ECSCR: variants seen among roughly 807,000 people sequenced by gnomAD.
The protein encoded by ECSCR is endothelial cell-specific chemotaxis regulator.
Under a neutral mutation model 16.7 loss-of-function variants are expected in ECSCR, and 12 were observed. The ratio of observed to expected loss-of-function variants is 0.72; its 90% confidence interval spans 0.46 to 1.17. ECSCR has a LOEUF of 1.17. ECSCR is among the 50% of genes most tolerant of loss of function. The pLI, the probability that ECSCR is intolerant of heterozygous loss-of-function variation, is 0.00. For synonymous variants in ECSCR, 44 were observed against 42.2 expected (o/e 1.04, Z -0.17); for missense variants, 122 against 116.1 (o/e 1.05, Z -0.23).
intron 4 of ECSCR, 52 bp from the exon 5 acceptor site, chr5:139,456,570 C>G (rs1417375513): frequency 2.5e-6 from 1 of 398,552 alleles, no homozygotes; most frequent in Non-Finnish European, 4.4e-6. Context: ...AGCAGCTCTT[C>G]TCCCTCGCTG....
rs397882364 is a variant in ECSCR at position 139,458,500 on chromosome 5, C to CAAAA, written c.62-321_62-318dup. ...GCAACAGGTGGAGACCCTATCTCAA[C>CAAAA]AAAAAAAAAAAAAAAAAAAAAAAAA... On this transcript the variant is annotated intron_variant, in intron 1 of 9. Transcript: ENST00000618155. Among the ~76,000 whole-genome samples the CAAAA allele has an allele frequency of 2.7e-3, 229 of 85,350 alleles. 2 individuals are homozygous for CAAAA. Among genetic ancestry groups the CAAAA allele is most frequent in the East Asian group, 4.3e-3 (13 of 2,998 alleles). 56.0% of individuals were successfully genotyped at this position (85,350 alleles called of 152,430 possible).
intron 8 of ECSCR, among the ~76,000 whole-genome samples, chr5:139,451,313 G>A (rs1047764793): frequency 6.6e-6 from 1 of 151,198 alleles, no homozygotes; most frequent in African/African-American, 2.4e-5. Flanking sequence ...TATGTGTGGT[G>A]TGTGTGGTGT....
chr5:139,455,551 G>A lies in ECSCR; in HGVS notation c.263-115C>T, dbSNP rs939703148. 2.8e-5 allele frequency: 11 copies of A among 388,008 alleles called. No individual in the cohort carries two copies. In the East Asian group the frequency reaches 3.3e-4, roughly 12 times the overall value. The allele number at this position is 388,008 out of a possible 1,614,324, so 24.0% of individuals were successfully genotyped here. ...GACCAGAATTTATGCTGCAGAGCTA[G>A]GAGGTCAGACTGGGCAAAATAGAGC... On this transcript the variant is annotated intron_variant, in intron 5 of 9. Coordinates refer to ENST00000618155, the MANE Select transcript of ECSCR (RefSeq NM_001077693.4).
rs1038198662 is a variant in ECSCR at position 139,454,960 on chromosome 5, C to T, written c.377-37G>A. On this transcript the variant is annotated intron_variant, in intron 6 of 9. Transcript: ENST00000618155. The stretch of plus-strand genomic sequence containing the variant: ...AAAGAATGGGGTGAAGGGGGCCAGT[C>T]GGGGGGACAAAGGGGCCAACAAGAG... The T allele has an allele frequency of 5.8e-5, 23 of 398,554 alleles. No individual in the cohort carries two copies. The South Asian group carries it at 1.8e-3, about 31-fold the overall frequency. 24.7% of individuals were successfully genotyped at this position (398,554 alleles called of 1,614,324 possible).
intron 1 of ECSCR, among the ~76,000 whole-genome samples, chr5:139,460,412 G>A (rs886394385): frequency 2.0e-5 from 3 of 152,194 alleles, no homozygotes; most frequent in Non-Finnish European, 4.4e-5. Context: ...TGGGATCACA[G>A]GCGTGAGCCA....
At chr5:139,456,893 G>A (rs937588504) in intron 4 of ECSCR, among the ~76,000 whole-genome samples, 4 of 152,150 alleles carry the variant, frequency 2.6e-5, no homozygotes, top group Admixed American at 2.6e-4. Context: ...GCTGCCCCCC[G>A]CCCTGGGCAC....
intron 8 of ECSCR, among the ~76,000 whole-genome samples, chr5:139,451,863 G>A (rs1325515899): frequency 4.0e-5 from 6 of 150,858 alleles, no homozygotes; most frequent in Admixed American, 6.6e-5. Context: ...TATGTATGTC[G>A]TGTGTGTGTA....
In ECSCR at chr5:139,455,454, C is replaced by A; in HGVS notation, c.263-18G>T. 2.5e-6 allele frequency: 1 copy of A among 398,214 alleles called. No homozygotes were observed. 24.7% of individuals were successfully genotyped at this position (398,214 alleles called of 1,614,324 possible). On this transcript the variant is annotated intron_variant, in intron 5 of 9. Transcript: ENST00000618155. ...AAATGTGTCTAAAATGGAGTGGAGT[C>A]AGGGGCATCAGCGAAGGGGACTGAC...
intron 1 of ECSCR, 39 bp downstream of exon 1, chr5:139,462,571 G>T: frequency 1.9e-6 from 3 of 1,570,168 alleles, no homozygotes; most frequent in Non-Finnish European, 2.6e-6. Flanking sequence ...GCCAGCTGCG[G>T]AGAGGAATTG....
rs1003521356 is a variant in ECSCR at position 139,454,988 on chromosome 5, C to T, written c.377-65G>A. 31 of 398,622 alleles carry T rather than the reference C, an allele frequency of 7.8e-5. No homozygotes were observed. In the East Asian group the frequency reaches 8.9e-4, roughly 11 times the overall value. The allele number at this position is 398,622 out of a possible 1,614,324, so 24.7% of individuals were successfully genotyped here. A position where few individuals can be genotyped will look rare whatever the true frequency, so the allele number is the denominator to read the frequency against. On this transcript the variant is annotated intron_variant, in intron 6 of 9. Transcript: ENST00000618155. ...GGGGACAAAGGGGCCAACAAGAGTCCGGCATTCCCTTCCCAGATAAGTACT... is the reference window on the plus strand; with the variant it reads ...GGGGACAAAGGGGCCAACAAGAGTCTGGCATTCCCTTCCCAGATAAGTACT...
At chr5:139,451,920 A>G (rs1472570787) in intron 8 of ECSCR, among the ~76,000 whole-genome samples, 8 of 134,150 alleles carry the variant, frequency 6.0e-5, no homozygotes, top group South Asian at 2.4e-4. Flanking sequence ...TGTGTGGTGT[A>G]TGGGGCATGT....
chr5:139,460,695 G>T (rs535268130), intron 1 of ECSCR, among the ~76,000 whole-genome samples: 1 of 152,106 alleles, frequency 6.6e-6, no homozygotes, highest in Non-Finnish European at 1.5e-5. Flanking sequence ...TACAGCCGAG[G>T]GTGTCTCTGA....
Position 139,448,704 on chromosome 5 carries a change from A to G in ECSCR, c.*196T>C, listed in dbSNP as rs1356995053. 1 of 1,416,264 alleles carries G rather than the reference A, an allele frequency of 7.1e-7. No homozygotes were observed. The highest frequency in any genetic ancestry group is 1.4e-5 in the African/African-American group (1 of 69,348). 87.7% of individuals were successfully genotyped at this position (1,416,264 alleles called of 1,614,324 possible). Reference sequence around the variant, plus strand: ...CAGTATTTCCACAGCAGCTGTCCATACAGGAAAGAGTCTCCCCTGTTGGTA... The same window carrying G: ...CAGTATTTCCACAGCAGCTGTCCATGCAGGAAAGAGTCTCCCCTGTTGGTA... On this transcript the variant is annotated 3_prime_UTR_variant, in exon 10 of 10. Coordinates refer to ENST00000618155, the MANE Select transcript of ECSCR (RefSeq NM_001077693.4).
At chr5:139,451,696 G>C (rs1030610698) in intron 8 of ECSCR, among the ~76,000 whole-genome samples, 23 of 131,770 alleles carry the variant, frequency 1.7e-4, no homozygotes, top group African/African-American at 6.5e-4. Context: ...TGTGATGTGG[G>C]TATGCGTGGT....
chr5:139,456,517 G>A lies in ECSCR; in HGVS notation c.219C>T (p.Gly73=), dbSNP rs1351393850. 1.3e-5 allele frequency: 5 copies of A among 398,638 alleles called. No individual in the cohort carries two copies. The highest frequency in any genetic ancestry group is 3.6e-5 in the East Asian group (1 of 28,074). 24.7% of individuals were successfully genotyped at this position (398,638 alleles called of 1,614,324 possible). Residue 73 remains glycine (G), a splice_region_variant and synonymous_variant, in exon 5 of 10, where the codon GGC becomes GGT. Transcript: ENST00000618155. ...PSHLSSTGTP[G]AGVPSSGRDG... is the part of the protein sequence containing the mutation. ...CTCTTCCACTGCTGGGGACACCTGC[G>A]CCTGCACCATGAAACAGCATGACCA...
chr5:139,457,861 C>G, intron 2 of ECSCR, 54 bp from the exon 3 acceptor site: 3 of 1,543,464 alleles, frequency 1.9e-6, no homozygotes, highest in Non-Finnish European at 1.8e-6. Flanking sequence ...TGTTCCATCT[C>G]CCTCTCTTGT....
intron 8 of ECSCR, among the ~76,000 whole-genome samples, chr5:139,450,536 G>A (rs1751017092): frequency 6.6e-6 from 1 of 150,842 alleles, no homozygotes; most frequent in Non-Finnish European, 1.5e-5. Context: ...CCAGCGCTTT[G>A]GGAGGCTGAG....
intron 5 of ECSCR, 95 bp from the exon 6 acceptor site, chr5:139,455,531 G>GAA (rs1257770968): frequency 7.7e-6 from 3 of 390,846 alleles, no homozygotes; most frequent in African/African-American, 6.2e-5. Context: ...GGAAGGACCA[G>GAA]AATTTATGCT....
chr5:139,454,382 G>A (rs1343748902), intron 8 of ECSCR, among the ~76,000 whole-genome samples: 2 of 148,260 alleles, frequency 1.3e-5, no homozygotes, highest in Non-Finnish European at 3.0e-5. Flanking sequence ...GGTGTGTGTA[G>A]TGAAGTGTAG....
Sources: allele counts gnomAD v4.1 joint callset (sites outside exome capture counted in the v4.1 genomes callset), GRCh38; gene constraint gnomAD v4.1.1; transcripts MANE v1.5; gene names NCBI Gene and HGNC (gene_info 2026-07-23, HGNC 2026-07-21).